BAG4: variants seen among roughly 807,000 people sequenced by gnomAD.
The protein encoded by BAG4 is BAG cochaperone 4.
BAG4 carries 28 observed loss-of-function variants against 52.1 expected under a neutral mutation model. The ratio of observed to expected loss-of-function variants is 0.54; its 90% confidence interval spans 0.40 to 0.74. The LOEUF (loss-of-function observed/expected upper bound fraction) is 0.74, where lower values mean the gene tolerates loss of function less well. Ranked by LOEUF, BAG4 falls within the 30% of genes least tolerant of loss-of-function variation. BAG4 has a pLI of 0.00. For synonymous variants in BAG4, 208 were observed against 217.0 expected (o/e 0.96, Z 0.37); for missense variants, 525 against 572.0 (o/e 0.92, Z 0.84).
At chr8:38,202,886 T>C (rs985346228) in intron 2 of BAG4, 1 of 152,152 alleles carries the variant, frequency 6.6e-6, no homozygotes, top group African/African-American at 2.4e-5. Flanking sequence ...AACAGAAATC[T>C]GTTCTGAAGT....
chr8:38,179,365 C>T (rs1208042599), intron 1 of BAG4, among the ~76,000 whole-genome samples: 1 of 150,792 alleles, frequency 6.6e-6, no homozygotes, highest in African/African-American at 2.4e-5. Flanking sequence ...TCGTGTGGGC[C>T]AGGTTGGTCT....
chr8:38,201,861 TATATATATATATATATA>T (rs1563284049), intron 2 of BAG4: 10 of 9,098 alleles, frequency 1.1e-3, no homozygotes, highest in East Asian at 2.8e-3. Context: ...TATATATATA[TATATATATATATATATA>T]TATTTTTTTT....
At position 38,204,521 on chromosome 8, in the gene BAG4, G is replaced by A. The variant is rs1452728848; in HGVS notation, c.379-2991G>A. Among the ~76,000 whole-genome samples the A allele has an allele frequency of 5.9e-5, 9 of 151,742 alleles. No individual in the cohort carries two copies. The East Asian group carries it at 1.7e-3, about 29-fold the overall frequency. ...GTGTCTTGGGGAGAAAAAAAGTAATGGCCAGGCATGGTATAATCCCAGCAC... is the reference window on the plus strand; with the variant it reads ...GTGTCTTGGGGAGAAAAAAAGTAATAGCCAGGCATGGTATAATCCCAGCAC... On this transcript the variant is annotated intron_variant, in intron 2 of 4. Transcript: ENST00000287322.
chr8:38,196,432 T>C (rs774831044), intron 2 of BAG4, among the ~76,000 whole-genome samples: 1 of 151,942 alleles, frequency 6.6e-6, no homozygotes, highest in Non-Finnish European at 1.5e-5. Context: ...GGCAGGCAGA[T>C]CACGAGGTCA....
At chr8:38,179,681 G>C (rs963905565) in intron 1 of BAG4, among the ~76,000 whole-genome samples, 3 of 151,664 alleles carry the variant, frequency 2.0e-5, no homozygotes, top group Non-Finnish European at 2.9e-5. Context: ...CAGGAGAATC[G>C]CTTGAACCCA....
intron 2 of BAG4, among the ~76,000 whole-genome samples, chr8:38,196,628 G>A (rs1051378903): frequency 2.0e-5 from 3 of 151,754 alleles, no homozygotes; most frequent in African/African-American, 7.3e-5. Context: ...TGCAGCCTGG[G>A]CAACAGAGCG....
At chr8:38,194,317 T>G (rs1803526022) in intron 2 of BAG4, among the ~76,000 whole-genome samples, 1 of 152,032 alleles carries the variant, frequency 6.6e-6, no homozygotes, top group South Asian at 2.1e-4. Context: ...GCAGCTTGCT[T>G]CTTTTGCTCA....
rs544699326 is a variant in BAG4 at position 38,185,141 on chromosome 8, C to CAAT, written c.271-7545_271-7543dup. Among the ~76,000 whole-genome samples the CAAT allele has an allele frequency of 2.8e-4, 42 of 150,910 alleles. No individual in the cohort carries two copies. The East Asian group carries it at 7.6e-3, about 27-fold the overall frequency. On this transcript the variant is annotated intron_variant, in intron 1 of 4. Coordinates refer to ENST00000287322, the MANE Select transcript of BAG4 (RefSeq NM_004874.4). ...GTGTTTGGACCTGAGGGGCAAGGGG[C>CAAT]AATACCTTAATACTTGGTACAGAAA... is the stretch of plus-strand genomic sequence containing the variant.
chr8:38,201,773 C>T (rs1313897603), intron 2 of BAG4: 2 of 134,678 alleles, frequency 1.5e-5, no homozygotes, highest in East Asian at 4.4e-4. Flanking sequence ...AATTCTCATT[C>T]AAAAGTAGCT....
intron 3 of BAG4, 99 bp downstream of exon 3, chr8:38,207,865 C>T (rs1014691939): frequency 1.4e-6 from 2 of 1,402,540 alleles, no homozygotes; most frequent in Non-Finnish European, 1.9e-6. Flanking sequence ...TTTAATAAGA[C>T]ACTTCTAGAT....
At chr8:38,204,780 A>C (rs1803740801) in intron 2 of BAG4, among the ~76,000 whole-genome samples, 1 of 152,182 alleles carries the variant, frequency 6.6e-6, no homozygotes. Context: ...ATGGGTTATC[A>C]GTACATGGCC....
At chr8:38,207,471 T>C (rs936878404) in intron 2 of BAG4, 41 bp from the exon 3 acceptor site, 1 of 1,591,576 alleles carries the variant, frequency 6.3e-7, no homozygotes, top group Non-Finnish European at 8.6e-7. Context: ...TCAGCTCTTC[T>C]ACTAATTCAT....
chr8:38,189,794 A>G (rs752835583), intron 1 of BAG4, among the ~76,000 whole-genome samples: 10 of 151,668 alleles, frequency 6.6e-5, no homozygotes, highest in African/African-American at 9.8e-5. Context: ...TTTGTTTTGC[A>G]TAAAAGGTTA....
chr8:38,186,015 A>G (rs1347886389), intron 1 of BAG4, among the ~76,000 whole-genome samples: 1 of 152,180 alleles, frequency 6.6e-6, no homozygotes, highest in Non-Finnish European at 1.5e-5. Context: ...ACAGGGCTCC[A>G]GCTCCATGTA....
rs536899920 is a variant in BAG4 at position 38,211,669 on chromosome 8, A to C, written c.*1176A>C. 6.6e-6 allele frequency: 1 copy of C among 152,126 alleles called. No homozygotes were observed. The highest frequency in any genetic ancestry group is 1.9e-4 in the East Asian group (1 of 5,180). 9.4% of individuals were successfully genotyped at this position (152,126 alleles called of 1,614,324 possible). ...GGGAAATTATTATTTTCTTCATTTA[A>C]AGGTAGATTTTATGTTTATTTCCCT... On this transcript the variant is annotated 3_prime_UTR_variant, in exon 5 of 5. Coordinates refer to ENST00000287322, the MANE Select transcript of BAG4 (RefSeq NM_004874.4).
chr8:38,202,985 T>C (rs1418995181), intron 2 of BAG4: 1 of 152,174 alleles, frequency 6.6e-6, no homozygotes, highest in Admixed American at 6.6e-5. Flanking sequence ...GTGCTCCAAG[T>C]GTCAACCTAA....
chr8:38,177,914 A>G (rs1469462850), intron 1 of BAG4, among the ~76,000 whole-genome samples: 2 of 152,118 alleles, frequency 1.3e-5, no homozygotes, highest in Non-Finnish European at 1.5e-5. Context: ...TTCAAGAATT[A>G]TCCTCATTTG....
chr8:38,177,832 C>G (rs934106759), intron 1 of BAG4, among the ~76,000 whole-genome samples: 3 of 152,070 alleles, frequency 2.0e-5, no homozygotes, highest in Non-Finnish European at 4.4e-5. Context: ...CGGACATATA[C>G]TTCTGCTTTG....
chr8:38,198,315 C>T (rs150326866), intron 2 of BAG4, among the ~76,000 whole-genome samples: 2,731 of 142,634 alleles, frequency 0.019, 81 homozygotes, highest in African/African-American at 0.068. Context: ...ATCCGGGAGG[C>T]GGAGCTTGCA....
Sources: allele counts gnomAD v4.1 joint callset (sites outside exome capture counted in the v4.1 genomes callset), GRCh38; gene constraint gnomAD v4.1.1; transcripts MANE v1.5; gene names NCBI Gene and HGNC (gene_info 2026-07-23, HGNC 2026-07-21).